Variants in CD276 observed in about 807,000 individuals in gnomAD.
CD276 encodes CD276 molecule, also known as CD276 antigen.
A neutral mutation model predicts 50.0 loss-of-function variants in CD276; 34 were observed. That is an observed-to-expected ratio of 0.68 (90% CI 0.52 to 0.91). The LOEUF (loss-of-function observed/expected upper bound fraction) is 0.91. Ranked by LOEUF, CD276 falls within the 40% of genes least tolerant of loss-of-function variation. The probability of loss-of-function intolerance (pLI) is 0.00; values close to 1 mark genes in which losing one functional copy is unlikely to be tolerated. For synonymous variants in CD276, 275 were observed against 313.0 expected (o/e 0.88, Z 1.28); for missense variants, 634 against 717.5 (o/e 0.88, Z 1.33).
At chr15:73,696,290 C>T (rs1015955183) in intron 1 of CD276, among the ~76,000 whole-genome samples, 3 of 152,002 alleles carry the variant, frequency 2.0e-5, no homozygotes, top group Non-Finnish European at 2.9e-5. Flanking sequence ...GGGGGTGGTA[C>T]GCAGGCAGCA....
In CD276 at chr15:73,687,176, C is replaced by T. The variant is rs992714334; in HGVS notation, c.-55+2716C>T. On this transcript the variant is annotated intron_variant, in intron 1 of 9. Transcript: ENST00000318443. The surrounding 1 kb of genome is among the most constrained non-coding windows in gnomAD (Gnocchi z 4.0). The stretch of plus-strand genomic sequence containing the variant: ...CCTTGCCTGCCACCCCCAGTTCTAC[C>T]GCCCTTGCAGTGTGCCAGATAGGAG... Among the ~76,000 whole-genome samples the T allele has an allele frequency of 1.3e-5, 2 of 152,176 alleles. No individual in the cohort carries two copies. Among genetic ancestry groups the T allele is most frequent in the Non-Finnish European group, 1.5e-5 (1 of 68,034 alleles).
Position 73,684,437 on chromosome 15 carries a change from G to C in CD276, c.-78G>C, listed in dbSNP as rs1899654076. The C allele has an allele frequency of 6.6e-6, 1 of 152,064 alleles. No individual in the cohort carries two copies. The highest frequency in any genetic ancestry group is 6.6e-5 in the Admixed American group (1 of 15,226). The allele number at this position is 152,064 out of a possible 1,614,324, so 9.4% of individuals were successfully genotyped here. A position where few individuals can be genotyped will look rare whatever the true frequency, so the allele number is the denominator to read the frequency against. ...CTGAGCCAGGCTGGGCCGCGTCCCT[G>C]AGTCCCAGAGTCGGCGCGGCGCGGT... On this transcript the variant is annotated 5_prime_UTR_variant, in exon 1 of 10. Coordinates refer to ENST00000318443, the MANE Select transcript of CD276 (RefSeq NM_001024736.2).
At chr15:73,688,836 C>G (rs1354476765) in intron 1 of CD276, among the ~76,000 whole-genome samples, 1 of 152,186 alleles carries the variant, frequency 6.6e-6, no homozygotes, top group Non-Finnish European at 1.5e-5. Flanking sequence ...TAAGCTGAGC[C>G]TCTTTCAGGG....
At chr15:73,709,719 G>A (rs1484607016) in intron 8 of CD276, 30 bp downstream of exon 8, 2 of 1,603,686 alleles carry the variant, frequency 1.2e-6, no homozygotes, top group African/African-American at 1.3e-5. Context: ...TGGCCCTCTT[G>A]GCTGGGAGAG....
chr15:73,708,389 T>A lies in CD276; in HGVS notation c.1420T>A (p.Ser474Thr). ...PEALWVTVGL[S>T]VCLIALLVAL... Reference sequence around the variant, plus strand: ...GGCCCTGTGGGTGACCGTGGGGCTGTCTGTCTGTCTCATTGCACTGCTGGT... The same window carrying A: ...GGCCCTGTGGGTGACCGTGGGGCTGACTGTCTGTCTCATTGCACTGCTGGT... Residue 474 changes from serine to threonine, a missense_variant, in exon 7 of 10, where the codon TCT becomes ACT. Ser to Thr is a moderately conservative substitution (Grantham distance 58, BLOSUM62 1). Coordinates refer to ENST00000318443, the MANE Select transcript of CD276 (RefSeq NM_001024736.2). The A allele has an allele frequency of 6.2e-7, 1 of 1,613,864 alleles. No individual in the cohort carries two copies. The highest frequency in any genetic ancestry group is 2.2e-5 in the East Asian group (1 of 44,850).
chr15:73,695,260 C>G (rs1461760180), intron 1 of CD276, among the ~76,000 whole-genome samples: 1 of 152,138 alleles, frequency 6.6e-6, no homozygotes, highest in Non-Finnish European at 1.5e-5. Flanking sequence ...GAGCTGGGAC[C>G]AGAACCCCAC....
chr15:73,696,340 C>T (rs1246922594), intron 1 of CD276, among the ~76,000 whole-genome samples: 2 of 152,118 alleles, frequency 1.3e-5, no homozygotes, highest in African/African-American at 2.4e-5. Context: ...GGTCCCGGGC[C>T]GACCAGCTCT....
In CD276 at chr15:73,695,231, A is replaced by G. The variant is rs372040927; in HGVS notation, c.-54-4355A>G. On this transcript the variant is annotated intron_variant, in intron 1 of 9. Transcript: ENST00000318443. ...AGCTCAGAGAAGTTGCCTAGTTAAG[A>G]TTGCATAACAAAGTGTCAGAGCTGG... 8.5e-5 allele frequency among the ~76,000 whole-genome samples: 13 copies of G among 152,170 alleles called. No individual in the cohort carries two copies. The East Asian group carries it at 1.2e-3, about 14-fold the overall frequency.
intron 1 of CD276, among the ~76,000 whole-genome samples, chr15:73,688,487 G>A (rs117916867): frequency 4.6e-5 from 7 of 152,262 alleles, no homozygotes; most frequent in South Asian, 2.1e-4. Context: ...GCAAGGCATC[G>A]GTGTCAGGAT....
At position 73,699,683 on chromosome 15, in the gene CD276, G is replaced by C. The variant is rs1184694339; in HGVS notation, c.44G>C (p.Gly15Ala). Reference protein sequence around the residue: ...RGSPGMGVHVGAALGALWFCL... With the variant: ...RGSPGMGVHVAAALGALWFCL... ...AGCCCTGGCATGGGTGTGCATGTGG[G>C]TGCAGCCCTGGGAGCACTGTGGTTC... The change falls in exon 2 of 10, where the codon GGT (glycine) becomes GCT (alanine). Residue 15 changes from glycine to alanine, a missense_variant. Coordinates refer to ENST00000318443, the MANE Select transcript of CD276 (RefSeq NM_001024736.2). 2 of 1,612,376 alleles carry C rather than the reference G, an allele frequency of 1.2e-6. No homozygotes were observed. Among genetic ancestry groups the C allele is most frequent in the South Asian group, 2.2e-5 (2 of 90,820 alleles).
At chr15:73,705,674 G>A (rs990608016) in intron 6 of CD276, among the ~76,000 whole-genome samples, 5 of 152,088 alleles carry the variant, frequency 3.3e-5, no homozygotes, top group Non-Finnish European at 7.3e-5. Context: ...GTTCACAGGC[G>A]AAAAGAAGAA....
At position 73,687,912 on chromosome 15, in the gene CD276, A is replaced by G. The variant is rs916237362; in HGVS notation, c.-55+3452A>G. Among the ~76,000 whole-genome samples, 1 of 152,120 alleles carries G rather than the reference A, an allele frequency of 6.6e-6. No individual in the cohort carries two copies. Among genetic ancestry groups the G allele is most frequent in the African/African-American group, 2.4e-5 (1 of 41,414 alleles). On this transcript the variant is annotated intron_variant, in intron 1 of 9. Transcript: ENST00000318443. This position sits in a 1 kb window ranked among gnomAD's most constrained non-coding sequence, Gnocchi z 4.0. ...TACCCTAGAGGCAATGCAGGCTCCT[A>G]GGAACTGGGGCTGCCTTGTGGGAGA...
chr15:73,711,102 T>A (rs370080582), intron 8 of CD276, 33 bp from the exon 9 acceptor site: 1 of 1,613,454 alleles, frequency 6.2e-7, no homozygotes, highest in South Asian at 1.1e-5. Flanking sequence ...CCATGGTTCC[T>A]CCCTCACCGT....
At chr15:73,705,062 C>A (rs1026086164) in intron 6 of CD276, among the ~76,000 whole-genome samples, 4 of 152,168 alleles carry the variant, frequency 2.6e-5, no homozygotes, top group African/African-American at 4.8e-5. Context: ...AGGTTCTAGC[C>A]TCGTGGGCAC....
chr15:73,709,751 G>C (rs1900819076), intron 8 of CD276, 62 bp downstream of exon 8: 1 of 1,534,564 alleles, frequency 6.5e-7, no homozygotes, highest in African/African-American at 1.4e-5. Flanking sequence ...AAAGGAGAGA[G>C]GACTCTAGGA....
rs1901039184 is a variant in CD276 at position 73,714,288 on chromosome 15, C to T, written c.*1332C>T. 5.9e-6 allele frequency: 1 copy of T among 168,330 alleles called. No homozygotes were observed. Among genetic ancestry groups the T allele is most frequent in the Non-Finnish European group, 1.3e-5 (1 of 79,958 alleles). The allele number at this position is 168,330 out of a possible 1,614,324, so 10.4% of individuals were successfully genotyped here. ...GACACCGAGGGGACTGCCCCCCACC[C>T]CCACCATGGTGCTATTCTGGGGCTG... On this transcript the variant is annotated 3_prime_UTR_variant, in exon 10 of 10. Coordinates refer to ENST00000318443, the MANE Select transcript of CD276 (RefSeq NM_001024736.2).
intron 1 of CD276, among the ~76,000 whole-genome samples, chr15:73,691,564 A>G (rs1432291344): frequency 6.6e-6 from 1 of 152,170 alleles, no homozygotes; most frequent in Non-Finnish European, 1.5e-5. Context: ...AGGTTTCTCC[A>G]TGAGCCAGGT....
At chr15:73,695,662 T>C (rs1347551203) in intron 1 of CD276, among the ~76,000 whole-genome samples, 1 of 152,186 alleles carries the variant, frequency 6.6e-6, no homozygotes, top group Admixed American at 6.5e-5. Context: ...ACTCCTTCGG[T>C]TGCAGACAAT....
chr15:73,710,586 G>A (rs1403525857), intron 8 of CD276, among the ~76,000 whole-genome samples: 5 of 152,254 alleles, frequency 3.3e-5, no homozygotes, highest in African/African-American at 1.2e-4. Flanking sequence ...GCAGGAGATT[G>A]ACACTTGGGG....
Sources: gnomAD v4.1 joint callset for allele counts (sites outside exome capture counted in the v4.1 genomes callset) on GRCh38, gnomAD v4.1.1 for gene constraint, Gnocchi (gnomAD v3.1) non-coding constraint, MANE v1.5 for transcripts, NCBI Gene and HGNC (gene_info 2026-07-23, HGNC 2026-07-21) for gene names.